Variants in IQCB1 observed in about 807,000 individuals in gnomAD.
IQCB1 encodes the protein IQ calmodulin-binding motif-containing protein 1.
A neutral mutation model predicts 84.4 loss-of-function variants in IQCB1; 56 were observed. The ratio of observed to expected loss-of-function variants is 0.66; its 90% CI spans 0.54 to 0.83. The LOEUF (loss-of-function observed/expected upper bound fraction) is 0.83. Among genes scored for constraint, IQCB1 ranks in the 40% least tolerant of loss-of-function variants. IQCB1 has a pLI of 0.00. For missense variants in IQCB1, 629 were observed against 682.1 expected, an observed-to-expected ratio of 0.92 and a Z score of 0.87; for synonymous variants, 210 against 234.8, an observed-to-expected ratio of 0.89 and a Z score of 0.96.
At chr3:121,797,872 G>A (rs1345520482) in intron 8 of IQCB1, among the ~76,000 whole-genome samples, 1 of 151,938 alleles carries the variant, frequency 6.6e-6, no homozygotes, top group Non-Finnish European at 1.5e-5. Context: ...ATTATAATGT[G>A]TGTATTCAAA....
intron 2 of IQCB1, among the ~76,000 whole-genome samples, chr3:121,833,592 T>C (rs890455593): frequency 6.6e-6 from 1 of 152,242 alleles, no homozygotes; most frequent in African/African-American, 2.4e-5. Context: ...CTCTCTGCTA[T>C]TGTTCTGGTT....
rs200367729 is a variant in IQCB1 at position 121,772,619 on chromosome 3, C to T, written c.1505G>A (p.Arg502Gln). 64 of 1,614,200 alleles carry T rather than the reference C, an allele frequency of 4.0e-5. No individual in the cohort carries two copies. The highest frequency in any genetic ancestry group is 2.2e-4 in the East Asian group (10 of 44,878). Residue 502 changes from arginine to glutamine, a missense_variant, in exon 14 of 15, where the codon CGA (arginine) becomes CAA (glutamine). Transcript: ENST00000310864. ...CAGAGCTTCTCTGTGCTGCTGGGCT[C>T]GCTCTTCTAGGGCCCTGCCCATAAA... ...HYFMGRALEE[R>Q]AQQHREALIA...
At chr3:121,795,343 T>C (rs1040557273) in intron 10 of IQCB1, 114 bp downstream of exon 10, 1 of 729,608 alleles carries the variant, frequency 1.4e-6, no homozygotes, top group Non-Finnish European at 2.5e-6. Context: ...GGAAAAAAAA[T>C]GAAAAGATAA....
In IQCB1 at chr3:121,835,042, G is replaced by A. The variant is rs191557781; in HGVS notation, c.-178C>T. The A allele has an allele frequency of 3.6e-3, 2,072 of 572,672 alleles. 20 individuals carry two copies. Among genetic ancestry groups the A allele is most frequent in the African/African-American group, 0.014 (773 of 53,420 alleles). 35.5% of individuals were successfully genotyped at this position (572,672 alleles called of 1,614,324 possible). On this transcript the variant is annotated 5_prime_UTR_variant, in exon 1 of 15. Transcript: ENST00000310864. ...CACTACAGCGCCGCGGCCTTCCGGG[G>A]CAGCGTGCGTCGCGACGCGGGAAGG...
chr3:121,790,379 C>G (rs1948917752), intron 10 of IQCB1, among the ~76,000 whole-genome samples, 164 bp from the exon 11 acceptor site: 1 of 152,038 alleles, frequency 6.6e-6, no homozygotes, highest in Admixed American at 6.5e-5. Context: ...GTTGTGCAAT[C>G]TTTCTGTAGA....
chr3:121,808,947 A>C lies in IQCB1; in HGVS notation c.456T>G (p.Leu152=). 1.9e-6 allele frequency: 3 copies of C among 1,610,676 alleles called. No homozygotes were observed. Among genetic ancestry groups the C allele is most frequent in the Non-Finnish European group, 2.5e-6 (3 of 1,177,178 alleles). The change falls in exon 6 of 15, where the codon CTT becomes CTG. Residue 152 remains leucine (L), a synonymous_variant. Coordinates refer to ENST00000310864, the MANE Select transcript of IQCB1 (RefSeq NM_001023570.4). ...GAATAAGTTCAACATGGCCTCCCAA[A>C]AGCCAGAAGAGAGAATCAGTCACAA... ...FQIVTDSLFW[L]LGGHVELIQN... is the part of the protein sequence containing the mutation.
At chr3:121,788,468 C>T in intron 11 of IQCB1, 36 bp from the exon 12 acceptor site, 1 of 1,584,018 alleles carries the variant, frequency 6.3e-7, no homozygotes. Context: ...AACATACTCA[C>T]TGCCATGCTT....
In IQCB1 at chr3:121,770,450, C is replaced by T; in HGVS notation, c.1692G>A (p.Trp564Ter). The stretch of plus-strand genomic sequence containing the variant: ...CAGATTCTTCTCCAAGCTTCTTCCA[C>T]CAGGGTGCTTGTATGTGCTTCAGGG... Reference protein sequence around the residue: ...LTTLKHIQAPWWKKLGEESGD... With the variant: ...LTTLKHIQAP The change falls in exon 15 of 15, where the codon TGG becomes TGA. Residue 564 changes from tryptophan (W) to a stop codon, truncating the protein, a stop_gained. Coordinates refer to ENST00000310864, the MANE Select transcript of IQCB1 (RefSeq NM_001023570.4). LOFTEE classifies it high-confidence loss of function. The T allele has an allele frequency of 6.2e-7, 1 of 1,614,210 alleles. No individual in the cohort carries two copies. The highest frequency in any genetic ancestry group is 8.5e-7 in the Non-Finnish European group (1 of 1,179,998).
chr3:121,804,477 CT>C (rs1949531052), intron 7 of IQCB1, among the ~76,000 whole-genome samples: 1 of 152,052 alleles, frequency 6.6e-6, no homozygotes, highest in Non-Finnish European at 1.5e-5. Flanking sequence ...TTCATCTTTG[CT>C]TTTGAATATA....
At chr3:121,821,973 GAAC>G (rs1235206409) in intron 5 of IQCB1, among the ~76,000 whole-genome samples, 1 of 152,166 alleles carries the variant, frequency 6.6e-6, no homozygotes, top group Non-Finnish European at 1.5e-5. Flanking sequence ...GGCTTGAGTA[GAAC>G]AAAAGATTGA....
At position 121,835,039 on chromosome 3, in the gene IQCB1, G is replaced by C; in HGVS notation, c.-175C>G. ...CCGCACTACAGCGCCGCGGCCTTCCGGGGCAGCGTGCGTCGCGACGCGGGA... is the reference window on the plus strand; with the variant it reads ...CCGCACTACAGCGCCGCGGCCTTCCCGGGCAGCGTGCGTCGCGACGCGGGA... On this transcript the variant is annotated 5_prime_UTR_variant, in exon 1 of 15. Transcript: ENST00000310864. The C allele has an allele frequency of 1.8e-6, 1 of 570,748 alleles. No individual in the cohort carries two copies. The highest frequency in any genetic ancestry group is 3.1e-6 in the Non-Finnish European group (1 of 318,020). The allele number at this position is 570,748 out of a possible 1,614,324, so 35.4% of individuals were successfully genotyped here.
chr3:121,824,169 G>C (rs1007802219), intron 5 of IQCB1, among the ~76,000 whole-genome samples: 2 of 152,158 alleles, frequency 1.3e-5, no homozygotes, highest in African/African-American at 4.8e-5. Flanking sequence ...ATCCATGGAA[G>C]ACATATTCCA....
intron 13 of IQCB1, among the ~76,000 whole-genome samples, chr3:121,778,838 G>A (rs1359453833): frequency 2.6e-5 from 4 of 151,226 alleles, no homozygotes; most frequent in Non-Finnish European, 4.4e-5. Context: ...CCCGGGAGGC[G>A]GCAGTTGCAG....
At chr3:121,829,134 G>A (rs1465659563) in intron 2 of IQCB1, among the ~76,000 whole-genome samples, 162 bp from the exon 3 acceptor site, 1 of 152,106 alleles carries the variant, frequency 6.6e-6, no homozygotes, top group Non-Finnish European at 1.5e-5. Context: ...ATAGAAAACT[G>A]GTTTTTCTAA....
intron 7 of IQCB1, among the ~76,000 whole-genome samples, chr3:121,804,195 T>A (rs1359751057): frequency 1.3e-5 from 2 of 152,112 alleles, no homozygotes; most frequent in African/African-American, 4.8e-5. Flanking sequence ...GAGTCTTACA[T>A]CAGTATACTT....
rs1479475592 is a variant in IQCB1, at chr3:121,807,432, C to T, written c.499G>A (p.Asp167Asn). ...VELIQNVLQS[D>N]HFLHLLQADN... ...GCTTGCAGTAAATGTAAGAAATGATCACTTTGTAGTACTAAAGGAAAAGAA... is the reference window on the plus strand; with the variant it reads ...GCTTGCAGTAAATGTAAGAAATGATTACTTTGTAGTACTAAAGGAAAAGAA... The change falls in exon 7 of 15, where the codon GAT (aspartate) becomes AAT (asparagine). Residue 167 changes from aspartate to asparagine, a missense_variant. Asp to Asn is a conservative substitution (Grantham distance 23). Coordinates refer to ENST00000310864, the MANE Select transcript of IQCB1 (RefSeq NM_001023570.4). 2.0e-6 allele frequency: 3 copies of T among 1,481,042 alleles called. No homozygotes were observed. The highest frequency in any genetic ancestry group is 2.8e-5 in the African/African-American group (2 of 72,002). The allele number at this position is 1,481,042 out of a possible 1,614,324, so 91.7% of individuals were successfully genotyped here. A position where few individuals can be genotyped will look rare whatever the true frequency, so the allele number is the denominator to read the frequency against.
chr3:121,770,267 A>G lies in IQCB1; in HGVS notation c.*78T>C. On this transcript the variant is annotated 3_prime_UTR_variant, in exon 15 of 15. Transcript: ENST00000310864. Reference sequence around the variant, plus strand: ...GAAAATAATAAGTTAGGATGGCCCTAGTCTACCAGCATGCCAGAGGCAGAA... The same window carrying G: ...GAAAATAATAAGTTAGGATGGCCCTGGTCTACCAGCATGCCAGAGGCAGAA... 1 of 943,436 alleles carries G rather than the reference A, an allele frequency of 1.1e-6. No individual in the cohort carries two copies. Among genetic ancestry groups the G allele is most frequent in the Admixed American group, 1.8e-5 (1 of 54,210 alleles). 58.4% of individuals were successfully genotyped at this position (943,436 alleles called of 1,614,324 possible).
At chr3:121,786,782 G>T (rs1948756604) in intron 12 of IQCB1, among the ~76,000 whole-genome samples, 1 of 152,070 alleles carries the variant, frequency 6.6e-6, no homozygotes, top group African/African-American at 2.4e-5. Flanking sequence ...TTTTCTCTAA[G>T]AAATGGTAGG....
At chr3:121,788,164 T>C (rs1421002400) in intron 12 of IQCB1, 120 bp downstream of exon 12, 16 of 1,007,788 alleles carry the variant, frequency 1.6e-5, no homozygotes. Flanking sequence ...AAGAAAAAAC[T>C]AAGGCTCAAG....
Sources: gnomAD v4.1 joint callset for allele counts (sites outside exome capture counted in the v4.1 genomes callset) on GRCh38, gnomAD v4.1.1 for gene constraint, MANE v1.5 for transcripts, NCBI Gene and HGNC (gene_info 2026-07-23, HGNC 2026-07-21) for gene names.